KDM5B: variants seen among roughly 807,000 people sequenced by gnomAD.
KDM5B encodes lysine demethylase 5B.
KDM5B carries 144 observed loss-of-function variants against 193.4 expected under a neutral mutation model. The ratio of observed to expected loss-of-function variants is 0.74; its 90% confidence interval spans 0.65 to 0.86. The LOEUF (loss-of-function observed/expected upper bound fraction) is 0.86. KDM5B is among the 40% of genes least tolerant of loss of function. The pLI, the probability that KDM5B is intolerant of heterozygous loss-of-function variation, is 0.00. For synonymous variants in KDM5B, 668 were observed against 682.6 expected, an observed-to-expected ratio of 0.98 and a Z score of 0.33; for missense variants, 1,833 against 1,886.9, an observed-to-expected ratio of 0.97 and a Z score of 0.53.
At chr1:202,781,052 A>T (rs1572761282) in intron 1 of KDM5B, among the ~76,000 whole-genome samples, 1 of 152,224 alleles carries the variant, frequency 6.6e-6, no homozygotes, top group Non-Finnish European at 1.5e-5. Flanking sequence ...ACAGTGGCTC[A>T]TGCCTATAAT....
chr1:202,770,210 TTTAC>T, intron 4 of KDM5B, among the ~76,000 whole-genome samples: 1 of 152,314 alleles, frequency 6.6e-6, no homozygotes. Context: ...AATTTTAACC[TTTAC>T]TTGAGAAACC....
In KDM5B at chr1:202,808,102, C is replaced by T. The variant is rs1444267071; in HGVS notation, c.204G>A (p.Pro68=). The T allele has an allele frequency of 1.2e-6, 2 of 1,609,838 alleles. No homozygotes were observed. Among genetic ancestry groups the T allele is most frequent in the African/African-American group, 1.3e-5 (1 of 74,412 alleles). ...QTGICKVRPP[P]DWQPPFACDV... is the part of the protein sequence containing the mutation. The stretch of plus-strand genomic sequence containing the variant: ...GATCCGGGGTGCTGGCGTGACTCAC[C>T]GGCGGCGGCCGCACCTTACAGATGC... Residue 68 remains proline, a splice_region_variant and synonymous_variant, in exon 1 of 27, where the codon CCG becomes CCA. Transcript: ENST00000367265.
rs754430322 is a variant in KDM5B, at chr1:202,736,346, G to T, written c.3131C>A (p.Thr1044Lys). Residue 1044 changes from threonine (T) to lysine (K), a missense_variant, in exon 21 of 27, where the codon ACA (threonine) becomes AAA (lysine). Transcript: ENST00000367265. ...ATGTACGGGGATAGATCGGCCTCGTGTAACAAGTTCTATGAGTGTGTCTAA... is the reference window on the plus strand; with the variant it reads ...ATGTACGGGGATAGATCGGCCTCGTTTAACAAGTTCTATGAGTGTGTCTAA... ...PVLDTLIELVTRGRSIPVHLN... is the reference protein window; with the variant it reads ...PVLDTLIELVKRGRSIPVHLN... The T allele has an allele frequency of 6.2e-7, 1 of 1,611,560 alleles. No homozygotes were observed. Among genetic ancestry groups the T allele is most frequent in the Non-Finnish European group, 8.5e-7 (1 of 1,178,784 alleles).
chr1:202,742,368 C>G, intron 18 of KDM5B, 23 bp downstream of exon 18: 1 of 1,505,508 alleles, frequency 6.6e-7, no homozygotes, highest in Non-Finnish European at 9.2e-7. Context: ...AAAGTATTCT[C>G]CCACACATCC....
chr1:202,790,204 G>A (rs550665951), intron 1 of KDM5B, among the ~76,000 whole-genome samples: 2 of 151,744 alleles, frequency 1.3e-5, no homozygotes, highest in Admixed American at 6.6e-5. Context: ...TAAAGGTTGC[G>A]GTAAGCCGAG....
intron 2 of KDM5B, among the ~76,000 whole-genome samples, chr1:202,776,710 C>T (rs1189799289): frequency 6.6e-6 from 1 of 152,122 alleles, no homozygotes; most frequent in Non-Finnish European, 1.5e-5. Context: ...TACAGGCACA[C>T]ACCATCACAC....
At position 202,773,247 on chromosome 1, in the gene KDM5B, A is replaced by T; in HGVS notation, c.447T>A (p.Asp149Glu). The change falls in exon 4 of 27, where the codon GAT becomes GAA. Residue 149 changes from aspartate (D) to glutamate (E), a missense_variant. By Grantham distance (45) the Asp-to-Glu change is conservative (BLOSUM62 2). Coordinates refer to ENST00000367265, the MANE Select transcript of KDM5B (RefSeq NM_006618.5). Reference protein sequence around the residue: ...EEGGFAVVCKDRKWTKIATKM... With the variant: ...EEGGFAVVCKERKWTKIATKM... Reference sequence around the variant, plus strand: ...TGGTAGCAATTTTGGTCCATTTTCTATCCTTGCAAACAACTGCAAATCCAC... The same window carrying T: ...TGGTAGCAATTTTGGTCCATTTTCTTTCCTTGCAAACAACTGCAAATCCAC... 1 of 1,614,148 alleles carries T rather than the reference A, an allele frequency of 6.2e-7. No homozygotes were observed. Among genetic ancestry groups the T allele is most frequent in the Non-Finnish European group, 8.5e-7 (1 of 1,180,006 alleles).
chr1:202,741,618 A>G lies in KDM5B; in HGVS notation c.2694T>C (p.Phe898=). The G allele has an allele frequency of 6.2e-7, 1 of 1,614,238 alleles. No individual in the cohort carries two copies. The highest frequency in any genetic ancestry group is 8.5e-7 in the Non-Finnish European group (1 of 1,180,030). ...AELQDLLDVS[F]EFDVELPQLA... ...GCTGTGGAAGTTCAACATCAAATTC[A>G]AAGCTGACATCTAGCAAGTCCTGCA... The change falls in exon 19 of 27, where the codon TTT becomes TTC. Residue 898 remains phenylalanine (F), a synonymous_variant. Transcript: ENST00000367265.
At chr1:202,740,898 G>A (rs1398032824) in intron 19 of KDM5B, 86 bp from the exon 20 acceptor site, 3 of 1,353,252 alleles carry the variant, frequency 2.2e-6, no homozygotes, top group Non-Finnish European at 3.0e-6. Flanking sequence ...CATTTCAAAG[G>A]AAATTCAGTA....
At position 202,736,258 on chromosome 1, in the gene KDM5B, AG is replaced by A; in HGVS notation, c.3218del (p.Ala1073ValfsTer6). 6.2e-7 allele frequency: 1 copy of A among 1,608,346 alleles called. No homozygotes were observed. Among genetic ancestry groups the A allele is most frequent in the Non-Finnish European group, 8.5e-7 (1 of 1,177,134 alleles). ...VAEVQAWKEC[A>X]VNTFLTENSP... Reference sequence around the variant, plus strand: ...AATTCTCAGTCAAGAATGTATTAACAGCACATTCTTTCCAAGCCTGAACCTC... The same window carrying A: ...AATTCTCAGTCAAGAATGTATTAACACACATTCTTTCCAAGCCTGAACCTC... On this transcript the variant is annotated frameshift_variant, in exon 21 of 27. Transcript: ENST00000367265. LOFTEE classifies it high-confidence loss of function.
intron 4 of KDM5B, among the ~76,000 whole-genome samples, chr1:202,769,179 G>A (rs1226495843): frequency 2.0e-5 from 3 of 150,782 alleles, no homozygotes; most frequent in Admixed American, 1.3e-4. Context: ...TGGGACTACA[G>A]GCACCTGCCA....
intron 23 of KDM5B, among the ~76,000 whole-genome samples, chr1:202,732,687 A>G (rs1370781182): frequency 6.6e-6 from 1 of 151,788 alleles, no homozygotes; most frequent in Non-Finnish European, 1.5e-5. Flanking sequence ...GTCTGTGCTC[A>G]TATGGCACAA....
chr1:202,754,753 T>A (rs1345102961), intron 11 of KDM5B, among the ~76,000 whole-genome samples: 1 of 152,234 alleles, frequency 6.6e-6, no homozygotes. Flanking sequence ...TGCGGTCTCT[T>A]GGCTCACTGC....
chr1:202,729,600 G>T, intron 26 of KDM5B, 107 bp downstream of exon 26: 1 of 928,362 alleles, frequency 1.1e-6, no homozygotes, highest in Non-Finnish European at 1.6e-6. Flanking sequence ...ATTCAGATCA[G>T]CTCAAAGCAG....
rs2102203829 is a variant in KDM5B at position 202,728,269 on chromosome 1, G to A, written c.*767C>T. On this transcript the variant is annotated 3_prime_UTR_variant, in exon 27 of 27. Transcript: ENST00000367265. ...TTGATACAAGCTACCAAAAAATAGGGGAGAAAGGAAGGGACAGGGAGAAAG... is the reference window on the plus strand; with the variant it reads ...TTGATACAAGCTACCAAAAAATAGGAGAGAAAGGAAGGGACAGGGAGAAAG... 1 of 152,672 alleles carries A rather than the reference G, an allele frequency of 6.5e-6. No homozygotes were observed. The highest frequency in any genetic ancestry group is 2.1e-4 in the South Asian group (1 of 4,824). The allele number at this position is 152,672 out of a possible 1,614,324, so 9.5% of individuals were successfully genotyped here.
chr1:202,748,803 C>A, intron 14 of KDM5B, 142 bp downstream of exon 14: 2 of 591,196 alleles, frequency 3.4e-6, no homozygotes, highest in South Asian at 2.8e-5. Context: ...ATTAAAACCA[C>A]GAGATACTAC....
chr1:202,780,140 A>AGC (rs1269346614), intron 1 of KDM5B, among the ~76,000 whole-genome samples: 1 of 152,140 alleles, frequency 6.6e-6, no homozygotes. Flanking sequence ...TCAGATTAAC[A>AGC]GCGCATGCCT....
chr1:202,742,943 A>G, intron 16 of KDM5B, 138 bp from the exon 17 acceptor site: 1 of 736,194 alleles, frequency 1.4e-6, no homozygotes, highest in Non-Finnish European at 2.1e-6. Context: ...TTAAATTATT[A>G]ACAAATTTGT....
chr1:202,739,099 C>T (rs926595905), intron 20 of KDM5B, among the ~76,000 whole-genome samples: 1 of 152,158 alleles, frequency 6.6e-6, no homozygotes, highest in African/African-American at 2.4e-5. Flanking sequence ...ACTGAATTTG[C>T]TATTACTGAT....
Sources: gnomAD v4.1 joint callset for allele counts (sites outside exome capture counted in the v4.1 genomes callset) on GRCh38, gnomAD v4.1.1 for gene constraint, MANE v1.5 for transcripts, NCBI Gene and HGNC (gene_info 2026-07-23, HGNC 2026-07-21) for gene names.